Variants in DAB1 observed in about 807,000 individuals in gnomAD.
The protein encoded by DAB1 is disabled homolog 1.
Under a neutral mutation model 64.6 loss-of-function variants are expected in DAB1, and 15 were observed. That is an observed-to-expected ratio of 0.23 (90% CI 0.16 to 0.36). The LOEUF (loss-of-function observed/expected upper bound fraction) is 0.36, where lower values mean the gene tolerates loss of function less well. Ranked by LOEUF, DAB1 falls within the 10% of genes least tolerant of loss-of-function variation. The probability of loss-of-function intolerance (pLI) is 1.00; values close to 1 mark genes in which losing one functional copy is unlikely to be tolerated. For missense variants in DAB1, 596 were observed against 706.7 expected, an observed-to-expected ratio of 0.84 and a Z score of 1.78; for synonymous variants, 235 against 251.9, an observed-to-expected ratio of 0.93 and a Z score of 0.64.
intron 5 of DAB1, among the ~76,000 whole-genome samples, chr1:58,022,224 G>A (rs1317670196): frequency 1.3e-5 from 2 of 152,194 alleles, no homozygotes; most frequent in African/African-American, 4.8e-5. Context: ...CCAACCCATT[G>A]CACAAAGCTG....
chr1:58,072,085 T>TGGGG (rs10665790), intron 5 of DAB1, among the ~76,000 whole-genome samples: 135 of 82,066 alleles, frequency 1.6e-3, no homozygotes, highest in East Asian at 4.5e-3. Flanking sequence ...ATTGGTGGGG[T>TGGGG]GGGGGGGGGT....
intron 5 of DAB1, among the ~76,000 whole-genome samples, chr1:58,011,656 A>G (rs2100430226): frequency 6.6e-6 from 1 of 152,118 alleles, no homozygotes; most frequent in South Asian, 2.1e-4. Flanking sequence ...CTTCAACTTC[A>G]TTTTCGTCCC....
intron 5 of DAB1, among the ~76,000 whole-genome samples, chr1:58,090,898 A>G (rs546033389): frequency 6.6e-6 from 1 of 152,324 alleles, no homozygotes; most frequent in South Asian, 2.1e-4. Context: ...CTGAAGGGTG[A>G]GTACGAGTTC....
At chr1:58,142,973 T>C (rs1473610555) in intron 5 of DAB1, among the ~76,000 whole-genome samples, 2 of 152,110 alleles carry the variant, frequency 1.3e-5, no homozygotes, top group Admixed American at 6.5e-5. Flanking sequence ...CAGCTTCACC[T>C]GGGCACTTAT....
At chr1:57,243,720 T>C (rs1025097004) in intron 2 of DAB1, among the ~76,000 whole-genome samples, 18 of 152,178 alleles carry the variant, frequency 1.2e-4, no homozygotes, top group South Asian at 6.2e-4. Context: ...GAGAAATTCA[T>C]TGGAGGCAGA....
intron 3 of DAB1, among the ~76,000 whole-genome samples, chr1:58,461,233 G>C (rs1244604896): frequency 1.3e-5 from 2 of 152,074 alleles, no homozygotes; most frequent in African/African-American, 4.8e-5. Context: ...TAAAATATTA[G>C]TACAGAAGTT....
intron 5 of DAB1, among the ~76,000 whole-genome samples, chr1:57,989,407 T>C (rs1050808356): frequency 6.6e-6 from 1 of 152,154 alleles, no homozygotes; most frequent in Admixed American, 6.5e-5. Flanking sequence ...ATTTTCCTTT[T>C]GATTCAAACA....
intron 1 of DAB1, among the ~76,000 whole-genome samples, chr1:57,347,066 G>C (rs1678169550): frequency 6.6e-6 from 1 of 152,184 alleles, no homozygotes. Flanking sequence ...CCAGAGGAAG[G>C]AGAGATTGTG....
At chr1:57,842,892 G>C (rs572783372) in intron 1 of DAB1, among the ~76,000 whole-genome samples, 1 of 152,266 alleles carries the variant, frequency 6.6e-6, no homozygotes, top group South Asian at 2.1e-4. Context: ...GTACAGTTGG[G>C]CAAAATCCTC....
At chr1:57,007,052 CTCTCT>C (rs1646099210) in intron 14 of DAB1, among the ~76,000 whole-genome samples, 1 of 152,014 alleles carries the variant, frequency 6.6e-6, no homozygotes, top group Admixed American at 6.6e-5. Context: ...TCCTCTCTCA[CTCTCT>C]TAAGATTCGT....
chr1:57,326,088 G>A (rs1676129640), intron 1 of DAB1, among the ~76,000 whole-genome samples: 1 of 152,208 alleles, frequency 6.6e-6, no homozygotes, highest in African/African-American at 2.4e-5. Context: ...TGAAAAGGGG[G>A]TACTCCCTGC....
intron 6 of DAB1, among the ~76,000 whole-genome samples, chr1:57,764,178 A>C (rs912577520): frequency 1.3e-5 from 2 of 152,220 alleles, no homozygotes; most frequent in Non-Finnish European, 2.9e-5. Flanking sequence ...TCAGTCCCAG[A>C]GCACTGCATA....
chr1:58,354,873 C>T (rs1644095376), intron 3 of DAB1, among the ~76,000 whole-genome samples: 1 of 152,168 alleles, frequency 6.6e-6, no homozygotes, highest in Non-Finnish European at 1.5e-5. Context: ...GGCTCATAAA[C>T]ATGTGTAACT....
At chr1:57,816,510 T>G (rs1251864457) in intron 6 of DAB1, among the ~76,000 whole-genome samples, 1 of 152,238 alleles carries the variant, frequency 6.6e-6, no homozygotes, top group African/African-American at 2.4e-5. Flanking sequence ...AGTCCCATCT[T>G]CCTTTTGACT....
At chr1:57,994,919 A>C (rs1460336512) in intron 5 of DAB1, among the ~76,000 whole-genome samples, 1 of 152,022 alleles carries the variant, frequency 6.6e-6, no homozygotes, top group African/African-American at 2.4e-5. Flanking sequence ...GAAAGAAGAG[A>C]GGAAGAAAGA....
At chr1:57,152,007 T>G (rs953562187) in intron 2 of DAB1, among the ~76,000 whole-genome samples, 3 of 151,906 alleles carry the variant, frequency 2.0e-5, no homozygotes, top group African/African-American at 7.3e-5. Flanking sequence ...AGAGATGAGG[T>G]TTCCCCATGT....
chr1:57,619,342 A>G (rs1289142279), intron 7 of DAB1, among the ~76,000 whole-genome samples: 1 of 152,204 alleles, frequency 6.6e-6, no homozygotes, highest in Admixed American at 6.5e-5. Context: ...ACGCTGTGCT[A>G]GGAGCATGAT....
At chr1:58,534,107 A>G in intron 1 of DAB1, 1 of 867,496 alleles carries the variant, frequency 1.2e-6, no homozygotes, top group South Asian at 1.3e-5. Flanking sequence ...ATCATAAAAA[A>G]TAAGGACAAT....
chr1:58,315,929 A>C (rs1662548606), intron 4 of DAB1, among the ~76,000 whole-genome samples: 1 of 152,216 alleles, frequency 6.6e-6, no homozygotes, highest in Admixed American at 6.5e-5. Flanking sequence ...ATTGCAAAAG[A>C]AAAGAAATAA....
Sources: allele counts gnomAD v4.1 joint callset (sites outside exome capture counted in the v4.1 genomes callset), GRCh38; gene constraint gnomAD v4.1.1; transcripts MANE v1.5; gene names NCBI Gene and HGNC (gene_info 2026-07-23, HGNC 2026-07-21).